Variants in TXNDC5 observed in about 807,000 individuals in gnomAD.
The protein encoded by TXNDC5 is thioredoxin domain containing 5.
Under a neutral mutation model 52.6 loss-of-function variants are expected in TXNDC5, and 44 were observed. The observed-to-expected ratio is 0.84, with a 90% CI of 0.66 to 1.08. TXNDC5 has a LOEUF of 1.08. TXNDC5 is among the 50% of genes least tolerant of loss of function. The pLI is 0.00. For synonymous variants in TXNDC5, 241 were observed against 234.4 expected (o/e 1.03, Z -0.26); for missense variants, 600 against 565.5 (o/e 1.06, Z -0.62).
At chr6:7,903,787 G>A (rs1225108389) in intron 2 of TXNDC5, among the ~76,000 whole-genome samples, 2 of 152,138 alleles carry the variant, frequency 1.3e-5, no homozygotes, top group Non-Finnish European at 2.9e-5. Context: ...TCTCTTTTTT[G>A]AAGAACTGCT....
At chr6:7,887,922 C>T (rs529786524) in intron 7 of TXNDC5, among the ~76,000 whole-genome samples, 19 of 152,254 alleles carry the variant, frequency 1.2e-4, no homozygotes, top group African/African-American at 4.6e-4. Context: ...GCACAGATCC[C>T]GTCAATCAGC....
At chr6:7,896,211 A>C (rs548638714) in intron 3 of TXNDC5, among the ~76,000 whole-genome samples, 32 of 152,352 alleles carry the variant, frequency 2.1e-4, no homozygotes, top group African/African-American at 7.7e-4. Flanking sequence ...TGGCATGAAC[A>C]TAAGCTGCAC....
intron 5 of TXNDC5, 116 bp downstream of exon 5, chr6:7,891,505 A>G (rs956421471): frequency 9.6e-6 from 7 of 728,952 alleles, no homozygotes; most frequent in Non-Finnish European, 1.6e-5. Context: ...TGGCACACTA[A>G]ATGGAATTAA....
intron 4 of TXNDC5, among the ~76,000 whole-genome samples, chr6:7,891,989 TAAAAG>T (rs1467118316): frequency 1.3e-5 from 2 of 152,198 alleles, no homozygotes; most frequent in African/African-American, 2.4e-5. Context: ...AAAACTGTAA[TAAAAG>T]GAAAGAATCA....
At chr6:7,895,079 A>G in intron 4 of TXNDC5, 27 bp downstream of exon 4, 1 of 1,609,620 alleles carries the variant, frequency 6.2e-7, no homozygotes, top group Non-Finnish European at 8.5e-7. Context: ...TGATTCTCTG[A>G]AGCTGGCATC....
At chr6:7,906,391 C>T (rs535900533) in intron 1 of TXNDC5, among the ~76,000 whole-genome samples, 47 of 152,016 alleles carry the variant, frequency 3.1e-4, no homozygotes, top group African/African-American at 1.0e-3. Flanking sequence ...CAAAAATTAG[C>T]TGGGCATGGT....
chr6:7,900,961 A>AC (rs1288393108), intron 2 of TXNDC5, among the ~76,000 whole-genome samples: 1 of 152,078 alleles, frequency 6.6e-6, no homozygotes, highest in Non-Finnish European at 1.5e-5. Context: ...GTCCAAAAAA[A>AC]AATGGCTAAT....
chr6:7,908,380 T>A (rs1458246302), intron 1 of TXNDC5, among the ~76,000 whole-genome samples: 2 of 152,038 alleles, frequency 1.3e-5, no homozygotes, highest in Admixed American at 6.5e-5. Flanking sequence ...AAAAGGAATT[T>A]ACTTAATACC....
rs922772555 is a variant in TXNDC5 at position 7,910,692 on chromosome 6, C to T, written c.85G>A (p.Gly29Ser). ...CGGGCGCCCCAGCGCCCGCCGCCGC[C>T]ATGGCCCAGCAGCAGCAGCAGCAGC... The part of the protein sequence containing the change: ...TALLLLLLGH[G>S]GGGRWGARAQ... Residue 29 changes from glycine (G) to serine (S), a missense_variant, in exon 1 of 10, where the codon GGC becomes AGC. Transcript: ENST00000379757. The T allele has an allele frequency of 3.3e-5, 36 of 1,106,100 alleles. No individual in the cohort carries two copies. The highest frequency in any genetic ancestry group is 4.0e-5 in the Non-Finnish European group (36 of 909,410). The allele number at this position is 1,106,100 out of a possible 1,614,324, so 68.5% of individuals were successfully genotyped here.
Position 7,883,024 on chromosome 6 carries a change from C to G in TXNDC5, c.*120G>C. 5.9e-6 allele frequency: 8 copies of G among 1,360,522 alleles called. No individual in the cohort carries two copies. Among genetic ancestry groups the G allele is most frequent in the African/African-American group, 1.4e-5 (1 of 69,002 alleles). 84.3% of individuals were successfully genotyped at this position (1,360,522 alleles called of 1,614,324 possible). On this transcript the variant is annotated 3_prime_UTR_variant, in exon 10 of 10. Coordinates refer to ENST00000379757, the MANE Select transcript of TXNDC5 (RefSeq NM_030810.5). ...ACACACACACAAAGAAGATACCTCA[C>G]GCTTAGTATGTTCTGCTTTCTGAAC...
chr6:7,884,837 C>T (rs959093082), intron 8 of TXNDC5, among the ~76,000 whole-genome samples: 1 of 152,222 alleles, frequency 6.6e-6, no homozygotes, highest in African/African-American at 2.4e-5. Context: ...AGATGCCACA[C>T]AATTTCTAAA....
At chr6:7,890,637 T>C (rs1304629297) in intron 5 of TXNDC5, among the ~76,000 whole-genome samples, 1 of 152,202 alleles carries the variant, frequency 6.6e-6, no homozygotes, top group African/African-American at 2.4e-5. Flanking sequence ...TCAATAAATA[T>C]AAACTGATAA....
At chr6:7,889,099 G>A (rs1388388918) in intron 6 of TXNDC5, 1 of 494,858 alleles carries the variant, frequency 2.0e-6, no homozygotes. Context: ...GCAGAGGCCT[G>A]CCAGCAAGCC....
intron 7 of TXNDC5, among the ~76,000 whole-genome samples, chr6:7,887,971 C>T (rs1345110731): frequency 6.6e-6 from 1 of 152,208 alleles, no homozygotes; most frequent in African/African-American, 2.4e-5. Flanking sequence ...CCCCACTTCT[C>T]TCTAGCAGCC....
rs1480487397 is a variant in TXNDC5 at position 7,881,574 on chromosome 6, C to T, written c.*1570G>A. On this transcript the variant is annotated 3_prime_UTR_variant, in exon 10 of 10. Transcript: ENST00000379757. ...CATAGTGTAAACAAACAAATTGTAC[C>T]ACTTTGATTTTCTTGGAATACAAGA... 6.6e-6 allele frequency: 1 copy of T among 152,114 alleles called. No individual in the cohort carries two copies. The highest frequency in any genetic ancestry group is 1.5e-5 in the Non-Finnish European group (1 of 68,024). 9.4% of individuals were successfully genotyped at this position (152,114 alleles called of 1,614,324 possible).
chr6:7,889,606 C>T (rs1760122714), intron 5 of TXNDC5, 25 bp from the exon 6 acceptor site: 2 of 1,581,602 alleles, frequency 1.3e-6, no homozygotes, highest in Non-Finnish European at 1.7e-6. Flanking sequence ...AGATCAACTT[C>T]CCAGTCAGTT....
At chr6:7,906,653 CT>C (rs1760746597) in intron 1 of TXNDC5, among the ~76,000 whole-genome samples, 1 of 149,818 alleles carries the variant, frequency 6.7e-6, no homozygotes, top group African/African-American at 2.5e-5. Flanking sequence ...AGAATCCCTG[CT>C]TTATGAGATA....
intron 2 of TXNDC5, among the ~76,000 whole-genome samples, chr6:7,901,422 A>G (rs11965816): frequency 0.03 from 4,626 of 151,760 alleles, 230 homozygotes; most frequent in African/African-American, 0.1. Context: ...TGCTAAAAGT[A>G]AAATACAGTA....
At chr6:7,909,821 G>A in intron 1 of TXNDC5, 1 of 986,064 alleles carries the variant, frequency 1.0e-6, no homozygotes, top group Non-Finnish European at 1.2e-6. Context: ...ACCTTCCTGG[G>A]TTCTATTTTT....
Sources: gnomAD v4.1 joint callset for allele counts (sites outside exome capture counted in the v4.1 genomes callset) on GRCh38, gnomAD v4.1.1 for gene constraint, MANE v1.5 for transcripts, NCBI Gene and HGNC (gene_info 2026-07-23, HGNC 2026-07-21) for gene names.